DNAJA2: variants seen among roughly 807,000 people sequenced by gnomAD.
The protein encoded by DNAJA2 is DnaJ heat shock protein family (Hsp40) member A2.
In DNAJA2, 6 loss-of-function variants were observed where a neutral mutation model predicts 49.3. The ratio of observed to expected loss-of-function variants is 0.12; its 90% CI spans 0.07 to 0.24. The LOEUF is 0.24. Among genes scored for constraint, DNAJA2 ranks in the 10% least tolerant of loss-of-function variants. DNAJA2 has a pLI of 1.00. For synonymous variants in DNAJA2, 160 were observed against 172.7 expected, an observed-to-expected ratio of 0.93 and a Z score of 0.58; for missense variants, 347 against 516.8, an observed-to-expected ratio of 0.67 and a Z score of 3.19.
chr16:46,973,191 G>T (rs1259820340), intron 1 of DNAJA2, among the ~76,000 whole-genome samples: 1 of 152,174 alleles, frequency 6.6e-6, no homozygotes, highest in South Asian at 2.1e-4. Context: ...CCTCCCGGGG[G>T]ATACCAGCCC....
At chr16:46,965,439 C>G (rs1961955091) in intron 5 of DNAJA2, among the ~76,000 whole-genome samples, 1 of 152,170 alleles carries the variant, frequency 6.6e-6, no homozygotes, top group South Asian at 2.1e-4. Flanking sequence ...ATTACCAGCA[C>G]ATTTGAAGGC....
rs1413347087 is a variant in DNAJA2, at chr16:46,956,111, A to C, written c.*918T>G. On this transcript the variant is annotated 3_prime_UTR_variant, in exon 9 of 9. Transcript: ENST00000317089. ...TTTACTATAGATTTGCTGTTACCTT[A>C]TTTTTTTAAGGGGGTGGTGGTAGGG... is the stretch of plus-strand genomic sequence containing the variant. The C allele has an allele frequency of 6.6e-6, 1 of 152,104 alleles. No individual in the cohort carries two copies. Among genetic ancestry groups the C allele is most frequent in the Non-Finnish European group, 1.5e-5 (1 of 68,022 alleles). The allele number at this position is 152,104 out of a possible 1,614,324, so 9.4% of individuals were successfully genotyped here.
intron 6 of DNAJA2, among the ~76,000 whole-genome samples, chr16:46,960,059 T>C (rs1197987207): frequency 6.6e-6 from 1 of 152,214 alleles, no homozygotes; most frequent in Non-Finnish European, 1.5e-5. Context: ...TACATCCAAC[T>C]TCACACGCCC....
At chr16:46,965,075 C>T (rs958692694) in intron 5 of DNAJA2, among the ~76,000 whole-genome samples, 4 of 151,916 alleles carry the variant, frequency 2.6e-5, no homozygotes, top group African/African-American at 7.3e-5. Context: ...AAAAGTTAGC[C>T]GGCGTGGTAG....
rs1961814221 is a variant in DNAJA2 at position 46,956,467 on chromosome 16, A to G, written c.*562T>C. On this transcript the variant is annotated 3_prime_UTR_variant, in exon 9 of 9. Coordinates refer to ENST00000317089, the MANE Select transcript of DNAJA2 (RefSeq NM_005880.4). ...AAAAAAAAAAAGAAAAAAGAAAAAA[A>G]AAACAAAACCAAAAACAAAAAAACT... is the stretch of plus-strand genomic sequence containing the variant. 6.6e-6 allele frequency: 1 copy of G among 152,384 alleles called. No individual in the cohort carries two copies. Among genetic ancestry groups the G allele is most frequent in the Non-Finnish European group, 1.5e-5 (1 of 67,972 alleles). 9.4% of individuals were successfully genotyped at this position (152,384 alleles called of 1,614,324 possible).
intron 1 of DNAJA2, chr16:46,972,415 A>G (rs546118196): frequency 6.5e-6 from 1 of 154,200 alleles, no homozygotes; most frequent in Admixed American, 6.5e-5. Flanking sequence ...TAACTGTAAC[A>G]TCATGAAAAA....
At chr16:46,967,932 C>A in intron 4 of DNAJA2, 152 bp downstream of exon 4, 2 of 808,792 alleles carry the variant, frequency 2.5e-6, no homozygotes, top group East Asian at 2.8e-5. Context: ...ATCCACCCGA[C>A]TCGGCCTCCC....
At chr16:46,961,920 A>G (rs1028364083) in intron 6 of DNAJA2, among the ~76,000 whole-genome samples, 1 of 150,162 alleles carries the variant, frequency 6.7e-6, no homozygotes, top group East Asian at 2.0e-4. Flanking sequence ...CAAGTGCACT[A>G]TGGTAACCAG....
intron 1 of DNAJA2, chr16:46,972,593 T>C (rs1446311085): frequency 1.3e-5 from 2 of 152,558 alleles, no homozygotes; most frequent in Non-Finnish European, 2.9e-5. Context: ...AATTATATAA[T>C]ACAGACTAGC....
chr16:46,963,514 C>CA (rs202162145), intron 6 of DNAJA2, among the ~76,000 whole-genome samples: 5,437 of 104,954 alleles, frequency 0.052, 129 homozygotes, highest in African/African-American at 0.092. Context: ...ACTAAAAATA[C>CA]AAAAAAAAAA....
chr16:46,973,158 G>T (rs1039797439), intron 1 of DNAJA2, among the ~76,000 whole-genome samples: 1 of 152,164 alleles, frequency 6.6e-6, no homozygotes, highest in Non-Finnish European at 1.5e-5. Context: ...TGACCTCGAC[G>T]CGAAGGACCG....
intron 6 of DNAJA2, among the ~76,000 whole-genome samples, chr16:46,963,374 A>G (rs1961925318): frequency 6.6e-6 from 1 of 152,150 alleles, no homozygotes; most frequent in African/African-American, 2.4e-5. Context: ...TAAAATCAAA[A>G]TAACATACAC....
chr16:46,960,562 C>CCT (rs1191181207), intron 6 of DNAJA2, among the ~76,000 whole-genome samples: 1 of 152,098 alleles, frequency 6.6e-6, no homozygotes, highest in African/African-American at 2.4e-5. Context: ...AGGCGGATCA[C>CCT]AAGGTCAGGA....
chr16:46,971,336 A>C lies in DNAJA2; in HGVS notation c.362+13T>G. On this transcript the variant is annotated intron_variant, in intron 3 of 8. Coordinates refer to ENST00000317089, the MANE Select transcript of DNAJA2 (RefSeq NM_005880.4). ...GTACTTAATTTTTTAAAACAACAAA[A>C]CAAGATATTCACTTGAGTGGATGCA... The C allele has an allele frequency of 6.3e-7, 1 of 1,599,522 alleles. No individual in the cohort carries two copies. Among genetic ancestry groups the C allele is most frequent in the Non-Finnish European group, 8.5e-7 (1 of 1,174,076 alleles).
At chr16:46,959,181 AT>A (rs749787229) in intron 7 of DNAJA2, 51 bp from the exon 8 acceptor site, 17 of 1,572,042 alleles carry the variant, frequency 1.1e-5, no homozygotes, top group Admixed American at 5.8e-5. Context: ...GAGGTGTTCA[AT>A]TTTTTTTAGA....
chr16:46,963,684 A>C (rs1449468872), intron 6 of DNAJA2, among the ~76,000 whole-genome samples: 1 of 152,166 alleles, frequency 6.6e-6, no homozygotes, highest in Non-Finnish European at 1.5e-5. Context: ...AGGGCGACAG[A>C]GCAAGACCAT....
intron 2 of DNAJA2, 89 bp from the exon 3 acceptor site, chr16:46,971,661 T>TA (rs71134521): frequency 2.1e-3 from 977 of 467,108 alleles, no homozygotes; most frequent in African/African-American, 3.9e-3. Context: ...CATTTAATTC[T>TA]AAAAAAAAAA....
intron 4 of DNAJA2, 82 bp from the exon 5 acceptor site, chr16:46,967,728 AC>A (rs1961992673): frequency 6.4e-7 from 1 of 1,562,170 alleles, no homozygotes; most frequent in African/African-American, 1.4e-5. Flanking sequence ...TTGTGCTTTT[AC>A]CTTCATCTTC....
chr16:46,959,374 C>G lies in DNAJA2; in HGVS notation c.820G>C (p.Gly274Arg). The G allele has an allele frequency of 6.2e-7, 1 of 1,613,738 alleles. No homozygotes were observed. The highest frequency in any genetic ancestry group is 8.5e-7 in the Non-Finnish European group (1 of 1,179,688). Residue 274 changes from glycine to arginine, a missense_variant, in exon 7 of 9, where the codon GGA (glycine) becomes CGA (arginine). Gly to Arg is a moderately radical substitution (Grantham distance 125). Transcript: ENST00000317089. ...AATCCACATAGAGCTTCAACAAGTC[C>G]TATTTTATATGTCATGTGCAAATCA... Reference protein sequence around the residue: ...GNDLHMTYKIGLVEALCGFQF... With the variant: ...GNDLHMTYKIRLVEALCGFQF...
Sources: allele counts gnomAD v4.1 joint callset (sites outside exome capture counted in the v4.1 genomes callset), GRCh38; gene constraint gnomAD v4.1.1; transcripts MANE v1.5; gene names NCBI Gene and HGNC (gene_info 2026-07-23, HGNC 2026-07-21).